Variants in BRWD1 observed in about 807,000 individuals in gnomAD.
The protein encoded by BRWD1 is bromodomain and WD repeat-containing protein 1.
BRWD1 carries 82 observed loss-of-function variants against 251.2 expected under a neutral mutation model. That is an observed-to-expected ratio of 0.33 (90% confidence interval 0.27 to 0.39). BRWD1 has a LOEUF of 0.39. BRWD1 is among the 10% of genes least tolerant of loss of function. The pLI is 1.00. For synonymous variants in BRWD1, 918 were observed against 902.8 expected (o/e 1.02, Z -0.30); for missense variants, 2,233 against 2,711.6 (o/e 0.82, Z 3.92).
In BRWD1 at chr21:39,252,267, T is replaced by A. The variant is rs910943319; in HGVS notation, c.2256-1378A>T. ...TCCGTCTCAAAAAAAAAAAAAAAAA[T>A]TTATAATGAATAGAATTTCTACCGT... is the stretch of plus-strand genomic sequence containing the variant. On this transcript the variant is annotated intron_variant, in intron 19 of 40. Coordinates refer to ENST00000342449, the MANE Select transcript of BRWD1 (RefSeq NM_033656.4). Among the ~76,000 whole-genome samples the A allele has an allele frequency of 1.0e-4, 13 of 129,532 alleles. No homozygotes were observed. In the South Asian group the frequency reaches 2.3e-3, roughly 23 times the overall value. 85.0% of individuals were successfully genotyped at this position (129,532 alleles called of 152,430 possible). A position where few individuals can be genotyped will look rare whatever the true frequency, so the allele number is the denominator to read the frequency against.
rs1194811948 is a variant in BRWD1, at chr21:39,194,681, C to G, written c.*1578G>C. ...AAATAGGAACACTTCAGAACATTCT[C>G]TAACATTAATACCAGTCTGATGCTT... On this transcript the variant is annotated 3_prime_UTR_variant, in exon 41 of 41. Transcript: ENST00000342449. 2.0e-6 allele frequency: 3 copies of G among 1,534,642 alleles called. No individual in the cohort carries two copies. The highest frequency in any genetic ancestry group is 2.4e-5 in the East Asian group (1 of 40,878).
chr21:39,261,410 T>C (rs1238534411), intron 17 of BRWD1, among the ~76,000 whole-genome samples: 5 of 152,168 alleles, frequency 3.3e-5, no homozygotes, highest in Non-Finnish European at 7.4e-5. Context: ...CCAGTTTTAA[T>C]ACCTAGAATA....
rs959630031 is a variant in BRWD1 at position 39,191,522 on chromosome 21, T to C, written c.*4737A>G. On this transcript the variant is annotated 3_prime_UTR_variant, in exon 41 of 41. Coordinates refer to ENST00000342449, the MANE Select transcript of BRWD1 (RefSeq NM_033656.4). ...TTAATTTAGAACATTAACGATCTTA[T>C]GTGAAGTGGAAAACTAAAGATCTGC... 10 of 979,564 alleles carry C rather than the reference T, an allele frequency of 1.0e-5. No individual in the cohort carries two copies. In the South Asian group the frequency reaches 1.9e-4, roughly 18 times the overall value. The allele number at this position is 979,564 out of a possible 1,614,324, so 60.7% of individuals were successfully genotyped here.
Position 39,189,771 on chromosome 21 carries a change from G to A in BRWD1, c.*6488C>T, listed in dbSNP as rs960574560. 1.0e-6 allele frequency: 1 copy of A among 984,358 alleles called. No individual in the cohort carries two copies. Among genetic ancestry groups the A allele is most frequent in the Non-Finnish European group, 1.2e-6 (1 of 829,120 alleles). The allele number at this position is 984,358 out of a possible 1,614,324, so 61.0% of individuals were successfully genotyped here. A position where few individuals can be genotyped will look rare whatever the true frequency, so the allele number is the denominator to read the frequency against. On this transcript the variant is annotated 3_prime_UTR_variant, in exon 41 of 41. Coordinates refer to ENST00000342449, the MANE Select transcript of BRWD1 (RefSeq NM_033656.4). Reference sequence around the variant, plus strand: ...CTTTTTCTCAAGAAAACTACAAACAGTTTTAGAAATATATATAGGATATTT... The same window carrying A: ...CTTTTTCTCAAGAAAACTACAAACAATTTTAGAAATATATATAGGATATTT...
chr21:39,270,314 G>A lies in BRWD1; in HGVS notation c.1364C>T (p.Ser455Phe). The A allele has an allele frequency of 6.2e-7, 1 of 1,607,994 alleles. No homozygotes were observed. Residue 455 changes from serine to phenylalanine, a missense_variant, in exon 14 of 41, where the codon TCT becomes TTT. By Grantham distance (155) the Ser-to-Phe change is radical (BLOSUM62 -2). Transcript: ENST00000342449. ...GTTATGAAGCAGTTGTCCAGTGTAA[G>A]AATTCCACACTTTGAGGACATGATC... ...VNDHVLKVWNSYTGQLLHNLM... is the reference protein window; with the variant it reads ...VNDHVLKVWNFYTGQLLHNLM...
chr21:39,224,412 A>T lies in BRWD1; in HGVS notation c.3378T>A (p.Asp1126Glu), dbSNP rs746872488. The change falls in exon 29 of 41, where the codon GAT becomes GAA. Residue 1126 changes from aspartate to glutamate, a missense_variant. This residue lies in a region of BRWD1 where 139 missense variants were observed against 272.8 expected (regional missense o/e 0.51). Transcript: ENST00000342449. ...TTATTTAACAAATATATATACCATT[A>T]TCAGGAATTGGTTCCATGTCCCATG... The part of the protein sequence containing the change: ...LSPWDMEPIP[D>E]NVDPPEELGA... 8.3e-6 allele frequency: 13 copies of T among 1,570,072 alleles called. 1 individual carries two copies. The South Asian group carries it at 1.4e-4, about 17-fold the overall frequency.
At position 39,193,086 on chromosome 21, in the gene BRWD1, G is replaced by T. The variant is rs752687872; in HGVS notation, c.*3173C>A. 54 of 984,950 alleles carry T rather than the reference G, an allele frequency of 5.5e-5. No homozygotes were observed. The highest frequency in any genetic ancestry group is 6.5e-5 in the Non-Finnish European group (54 of 829,638). 61.0% of individuals were successfully genotyped at this position (984,950 alleles called of 1,614,324 possible). On this transcript the variant is annotated 3_prime_UTR_variant, in exon 41 of 41. Coordinates refer to ENST00000342449, the MANE Select transcript of BRWD1 (RefSeq NM_033656.4). ...AACACCCTCAGATGGTATTTTTATT[G>T]GTTTGTTTTATATTCCCCTTTTCCA...
chr21:39,198,211 C>G (rs914650847), intron 40 of BRWD1, among the ~76,000 whole-genome samples: 1 of 152,142 alleles, frequency 6.6e-6, no homozygotes, highest in Non-Finnish European at 1.5e-5. Context: ...AGTTATTTCA[C>G]CACTTTGTGC....
At chr21:39,253,053 G>A (rs903614282) in intron 19 of BRWD1, among the ~76,000 whole-genome samples, 1 of 152,172 alleles carries the variant, frequency 6.6e-6, no homozygotes, top group Non-Finnish European at 1.5e-5. Context: ...ACTTTGGCAG[G>A]CCGAGGCAGG....
intron 8 of BRWD1, among the ~76,000 whole-genome samples, chr21:39,284,421 C>T (rs1192485446): frequency 6.6e-6 from 1 of 152,132 alleles, no homozygotes; most frequent in African/African-American, 2.4e-5. Flanking sequence ...TGAGGCCAAG[C>T]GAGCTATGAT....
chr21:39,210,973 G>GT (rs2032630042), intron 34 of BRWD1, 44 bp from the exon 35 acceptor site: 4 of 1,556,344 alleles, frequency 2.6e-6, no homozygotes, highest in East Asian at 2.3e-5. Flanking sequence ...CACTATTGGT[G>GT]TAAGACTGTG....
Position 39,229,441 on chromosome 21 carries a change from AAC to A in BRWD1, c.3001-7_3001-6del. 1 of 1,603,150 alleles carries A rather than the reference AAC, an allele frequency of 6.2e-7. No individual in the cohort carries two copies. Among genetic ancestry groups the A allele is most frequent in the Non-Finnish European group, 8.5e-7 (1 of 1,171,464 alleles). ...TATTTTAACCAATTCTTGATCCTTT[AAC>A]AGACATATTTTTTAATGGTTAAAAT... is the stretch of plus-strand genomic sequence containing the variant. On this transcript the variant is annotated splice_region_variant and splice_polypyrimidine_tract_variant and intron_variant, in intron 25 of 40. Coordinates refer to ENST00000342449, the MANE Select transcript of BRWD1 (RefSeq NM_033656.4).
intron 4 of BRWD1, among the ~76,000 whole-genome samples, chr21:39,300,490 G>C (rs1004689798): frequency 3.3e-5 from 5 of 152,202 alleles, no homozygotes; most frequent in Non-Finnish European, 5.9e-5. Flanking sequence ...TCTGCTGGAA[G>C]GGAAAGTATT....
intron 20 of BRWD1, among the ~76,000 whole-genome samples, chr21:39,249,959 T>C (rs868052645): frequency 2.7e-5 from 4 of 149,144 alleles, no homozygotes; most frequent in Admixed American, 1.3e-4. Context: ...TGTGTGTGTA[T>C]ACACACACAC....
At chr21:39,304,957 ATT>A (rs36090972) in intron 4 of BRWD1, among the ~76,000 whole-genome samples, 5 of 121,196 alleles carry the variant, frequency 4.1e-5, no homozygotes, top group South Asian at 2.7e-4. Context: ...ATATTTGGAG[ATT>A]TTTTTTTTTT....
At chr21:39,202,059 A>G (rs1298591806) in intron 38 of BRWD1, among the ~76,000 whole-genome samples, 1 of 152,246 alleles carries the variant, frequency 6.6e-6, no homozygotes, top group Non-Finnish European at 1.5e-5. Flanking sequence ...AAAAGATACA[A>G]AAACTTCAAA....
rs771052638 is a variant in BRWD1, at chr21:39,196,353, G to A, written c.6716C>T (p.Thr2239Met). 8.1e-6 allele frequency: 13 copies of A among 1,613,306 alleles called. No homozygotes were observed. The highest frequency in any genetic ancestry group is 2.7e-5 in the African/African-American group (2 of 74,804). ...KRVLRRSKIK[T>M]RNQGRRTVRY... ...CACAGTCCTTCTACCCTGATTTCTC[G>A]TTTTTATTTTTGAACGTCGAAGAAC... is the stretch of plus-strand genomic sequence containing the variant. The change falls in exon 41 of 41, where the codon ACG (threonine) becomes ATG (methionine). Residue 2239 changes from threonine to methionine, a missense_variant. Thr to Met is a moderately conservative substitution (Grantham distance 81). This residue lies in a region of BRWD1 where 928 missense variants were observed against 970.0 expected (regional missense o/e 0.96). Transcript: ENST00000342449.
At chr21:39,267,953 C>T (rs2034976769) in intron 15 of BRWD1, among the ~76,000 whole-genome samples, 1 of 152,026 alleles carries the variant, frequency 6.6e-6, no homozygotes, top group African/African-American at 2.4e-5. Flanking sequence ...TATGTGCAAG[C>T]ACATTTACCC....
intron 32 of BRWD1, among the ~76,000 whole-genome samples, chr21:39,214,439 T>TA (rs1464583352): frequency 6.6e-6 from 1 of 152,072 alleles, no homozygotes; most frequent in Admixed American, 6.5e-5. Context: ...AACATAACTA[T>TA]ACTCTATAAA....
Sources: gnomAD v4.1 joint callset for allele counts (sites outside exome capture counted in the v4.1 genomes callset) on GRCh38, gnomAD v4.1.1 for gene constraint, gnomAD v4.1.1 regional missense constraint, MANE v1.5 for transcripts, NCBI Gene and HGNC (gene_info 2026-07-23, HGNC 2026-07-21) for gene names.